Variants in FHL5 observed in about 807,000 individuals in gnomAD.
FHL5 encodes four and a half LIM domains protein 5.
A neutral mutation model predicts 32.0 loss-of-function variants in FHL5; 33 were observed. The observed-to-expected ratio is 1.03, with a 90% CI of 0.78 to 1.38. FHL5 has a LOEUF of 1.38. Among genes scored for constraint, FHL5 ranks in the 40% most tolerant of loss-of-function variants. The probability of loss-of-function intolerance (pLI) is 0.00; values close to 1 mark genes in which losing one functional copy is unlikely to be tolerated. For missense variants in FHL5, 336 were observed against 343.9 expected (o/e 0.98, Z 0.18); for synonymous variants, 114 against 113.6 (o/e 1.00, Z -0.02).
intron 4 of FHL5, among the ~76,000 whole-genome samples, chr6:96,609,810 G>C (rs1771360457): frequency 6.6e-6 from 1 of 152,192 alleles, no homozygotes; most frequent in African/African-American, 2.4e-5. Flanking sequence ...ATGCAGGTTT[G>C]AATCCTAGCT....
chr6:96,584,344 G>A (rs1770752076), intron 1 of FHL5, among the ~76,000 whole-genome samples: 1 of 152,004 alleles, frequency 6.6e-6, no homozygotes, highest in Non-Finnish European at 1.5e-5. Flanking sequence ...AAATAGAAGA[G>A]GAGTCATGTG....
At chr6:96,574,481 A>G (rs1034974806) in intron 1 of FHL5, among the ~76,000 whole-genome samples, 15 of 152,312 alleles carry the variant, frequency 9.8e-5, no homozygotes, top group African/African-American at 2.9e-4. Flanking sequence ...TTTAAATTTC[A>G]TATGTCAAAA....
At position 96,604,914 on chromosome 6, in the gene FHL5, C is replaced by T. The variant is rs760729153; in HGVS notation, c.324C>T (p.Thr108=). ...CCAAGTGCTTCCACTGCAAGAGGAC[C>T]ATCATGCCTGGTAGGGTCTCAAGGG... is the stretch of plus-strand genomic sequence containing the variant. The part of the protein sequence containing the change: ...CSSKCFHCKR[T]IMPGSRKMEF... Residue 108 remains threonine (T), a synonymous_variant, in exon 3 of 6, where the codon ACC becomes ACT. Transcript: ENST00000450218. The T allele has an allele frequency of 2.5e-6, 4 of 1,606,048 alleles. No individual in the cohort carries two copies. The South Asian group carries it at 4.5e-5, about 18-fold the overall frequency.
rs187220751 is a variant in FHL5, at chr6:96,567,666, T to A, written c.-13+4311T>A. 1.1e-4 allele frequency among the ~76,000 whole-genome samples: 17 copies of A among 151,818 alleles called. No homozygotes were observed. The East Asian group carries it at 3.3e-3, about 29-fold the overall frequency. On this transcript the variant is annotated intron_variant, in intron 1 of 5. Transcript: ENST00000450218. ...TTTGTGTCTTCTTCAATTTTTTTTATCAGTGTTTTGCAGTTTTTATTGTAG... is the reference window on the plus strand; with the variant it reads ...TTTGTGTCTTCTTCAATTTTTTTTAACAGTGTTTTGCAGTTTTTATTGTAG...
In FHL5 at chr6:96,587,264, A is replaced by G. The variant is rs115617316; in HGVS notation, c.-12-16338A>G. Among the ~76,000 whole-genome samples, 1,163 of 152,318 alleles carry G rather than the reference A, an allele frequency of 7.6e-3. 16 individuals are homozygous for G. Among genetic ancestry groups the G allele is most frequent in the South Asian group, 0.042 (202 of 4,828 alleles). On this transcript the variant is annotated intron_variant, in intron 1 of 5. Coordinates refer to ENST00000450218, the MANE Select transcript of FHL5 (RefSeq NM_001322466.2). The stretch of plus-strand genomic sequence containing the variant: ...ATCAAACAAGAGCAATTTTGTGAGA[A>G]TTTCTATGGAAAATTATTAGGCAAC...
intron 1 of FHL5, among the ~76,000 whole-genome samples, chr6:96,584,748 T>C (rs1355955415): frequency 6.6e-6 from 1 of 152,138 alleles, no homozygotes; most frequent in Non-Finnish European, 1.5e-5. Flanking sequence ...ATGTGCTTAG[T>C]TCCTCTAAAT....
chr6:96,597,367 C>T (rs546285948), intron 1 of FHL5, among the ~76,000 whole-genome samples: 1 of 118,628 alleles, frequency 8.4e-6, no homozygotes, highest in Non-Finnish European at 1.8e-5. Context: ...CCCTCCAACA[C>T]AAAAAAAATC....
chr6:96,564,200 T>G (rs937196242), intron 1 of FHL5, among the ~76,000 whole-genome samples: 1 of 152,166 alleles, frequency 6.6e-6, no homozygotes, highest in Non-Finnish European at 1.5e-5. Flanking sequence ...AGGAAATCCT[T>G]GAGCCATTTT....
intron 1 of FHL5, among the ~76,000 whole-genome samples, chr6:96,584,461 T>TTGTGTGTGTGTGTGTGTGTGTG (rs781665593): frequency 1.2e-5 from 1 of 85,220 alleles, no homozygotes; most frequent in African/African-American, 5.0e-5. Context: ...GTGTGTGTGT[T>TTGTGTGTGTGTGTGTGTGTGTG]TGTGTGTGTG....
intron 1 of FHL5, among the ~76,000 whole-genome samples, chr6:96,569,930 C>G (rs950834942): frequency 6.6e-6 from 1 of 151,428 alleles, no homozygotes; most frequent in African/African-American, 2.4e-5. Flanking sequence ...TTAACATCCA[C>G]CATTTTGTTG....
chr6:96,578,247 C>T (rs1198992928), intron 1 of FHL5, among the ~76,000 whole-genome samples: 1 of 152,110 alleles, frequency 6.6e-6, no homozygotes, highest in Non-Finnish European at 1.5e-5. Context: ...TATTCTTATT[C>T]CAATGATTGA....
At chr6:96,615,290 A>G (rs142748423) in intron 5 of FHL5, among the ~76,000 whole-genome samples, 301 of 152,304 alleles carry the variant, frequency 2.0e-3, no homozygotes, top group African/African-American at 6.9e-3. Context: ...CCACTATGCT[A>G]CACTGTATTG....
In FHL5 at chr6:96,575,189, T is replaced by C. The variant is rs568446919; in HGVS notation, c.-13+11834T>C. Among the ~76,000 whole-genome samples, 4 of 152,188 alleles carry C rather than the reference T, an allele frequency of 2.6e-5. No homozygotes were observed. The South Asian group carries it at 6.2e-4, about 24-fold the overall frequency. On this transcript the variant is annotated intron_variant, in intron 1 of 5. Transcript: ENST00000450218. ...GTATGTCTCTCTCATTCCTCTCCTC[T>C]CCCCGTCTCTCAATACACATACACA...
rs114222755 is a variant in FHL5, at chr6:96,565,463, A to G, written c.-13+2108A>G. 5.1e-3 allele frequency among the ~76,000 whole-genome samples: 774 copies of G among 152,188 alleles called. 5 individuals carry two copies. The highest frequency in any genetic ancestry group is 0.017 in the African/African-American group (703 of 41,546). On this transcript the variant is annotated intron_variant, in intron 1 of 5. Coordinates refer to ENST00000450218, the MANE Select transcript of FHL5 (RefSeq NM_001322466.2). ...AATAATAATAACAGTAGTCATTTTT[A>G]TTTTTTGTCTTCTCAAATTCTTCGG...
chr6:96,608,777 G>A (rs116820636), intron 4 of FHL5, among the ~76,000 whole-genome samples: 1,639 of 152,252 alleles, frequency 0.011, 29 homozygotes, highest in African/African-American at 0.031. Context: ...ACCAAGCTTA[G>A]ATATTAGACT....
intron 1 of FHL5, among the ~76,000 whole-genome samples, chr6:96,564,774 T>A (rs1770317096): frequency 6.6e-6 from 1 of 152,164 alleles, no homozygotes; most frequent in Admixed American, 6.6e-5. Flanking sequence ...GAATCAGATA[T>A]TAGTTAAACC....
chr6:96,587,472 A>T (rs1200211083), intron 1 of FHL5, among the ~76,000 whole-genome samples: 1 of 152,154 alleles, frequency 6.6e-6, no homozygotes, highest in African/African-American at 2.4e-5. Context: ...TCACTTACAA[A>T]AGTGTCAAAC....
At chr6:96,578,009 A>C (rs1770619006) in intron 1 of FHL5, among the ~76,000 whole-genome samples, 1 of 151,786 alleles carries the variant, frequency 6.6e-6, no homozygotes, top group Non-Finnish European at 1.5e-5. Flanking sequence ...GATTAGAATT[A>C]TAAATGAAAC....
chr6:96,615,200 A>G (rs1035257680), intron 5 of FHL5, among the ~76,000 whole-genome samples: 2 of 152,220 alleles, frequency 1.3e-5, no homozygotes, highest in African/African-American at 4.8e-5. Flanking sequence ...TGCAGCTAAG[A>G]AAACTTAAAG....
Sources: gnomAD v4.1 joint callset for allele counts (sites outside exome capture counted in the v4.1 genomes callset) on GRCh38, gnomAD v4.1.1 for gene constraint, MANE v1.5 for transcripts, NCBI Gene and HGNC (gene_info 2026-07-23, HGNC 2026-07-21) for gene names.